The following MAP4K3 variants were observed in gnomAD, a reference collection of about 807,000 sequenced individuals.
The protein encoded by MAP4K3 is mitogen-activated protein kinase kinase kinase kinase 3.
A neutral mutation model predicts 143.5 loss-of-function variants in MAP4K3; 94 were observed. That is an observed-to-expected ratio of 0.65 (90% confidence interval 0.55 to 0.78). MAP4K3 has a LOEUF of 0.78. Among genes scored for constraint, MAP4K3 ranks in the 30% least tolerant of loss-of-function variants. The pLI is 0.00. For synonymous variants in MAP4K3, 416 were observed against 347.2 expected (o/e 1.20, Z -2.20); for missense variants, 1,077 against 1,068.1 (o/e 1.01, Z -0.12).
At chr2:39,266,906 G>T (rs1680788656) in intron 27 of MAP4K3, among the ~76,000 whole-genome samples, 1 of 69,638 alleles carries the variant, frequency 1.4e-5, no homozygotes, top group Non-Finnish European at 4.9e-5. Flanking sequence ...ATAAAATGTG[G>T]TAAAAAAAAA....
At chr2:39,289,482 A>T (rs115494645) in intron 19 of MAP4K3, among the ~76,000 whole-genome samples, 2,813 of 152,092 alleles carry the variant, frequency 0.018, 88 homozygotes, top group African/African-American at 0.063. Context: ...TTTTACCTTT[A>T]AAAAAAACAA....
intron 1 of MAP4K3, among the ~76,000 whole-genome samples, chr2:39,415,461 G>A (rs1007619587): frequency 6.6e-6 from 1 of 152,006 alleles, no homozygotes; most frequent in Non-Finnish European, 1.5e-5. Context: ...ATTTGAGTGG[G>A]AAAAAGGAGA....
intron 18 of MAP4K3, among the ~76,000 whole-genome samples, chr2:39,290,852 C>A (rs111455783): frequency 0.021 from 3,141 of 152,132 alleles, 98 homozygotes; most frequent in African/African-American, 0.073. Flanking sequence ...GGGCAGATCA[C>A]GAGGTCAGGA....
At chr2:39,404,029 A>C (rs1339038799) in intron 1 of MAP4K3, among the ~76,000 whole-genome samples, 2 of 152,000 alleles carry the variant, frequency 1.3e-5, no homozygotes, top group African/African-American at 4.8e-5. Context: ...GGCAGGATCC[A>C]GTATCTGCTG....
At chr2:39,276,582 G>A (rs1208919523) in intron 24 of MAP4K3, among the ~76,000 whole-genome samples, 1 of 152,152 alleles carries the variant, frequency 6.6e-6, no homozygotes, top group Non-Finnish European at 1.5e-5. Flanking sequence ...AATCCTTTCG[G>A]TGCTTTAGTT....
At chr2:39,346,345 T>G (rs1245942233) in intron 3 of MAP4K3, among the ~76,000 whole-genome samples, 2 of 152,226 alleles carry the variant, frequency 1.3e-5, no homozygotes, top group Non-Finnish European at 2.9e-5. Context: ...ACCAGTTCTC[T>G]CTCCAGCTTC....
chr2:39,370,474 C>T (rs1012076416), intron 2 of MAP4K3, among the ~76,000 whole-genome samples: 6 of 152,146 alleles, frequency 3.9e-5, no homozygotes, highest in Non-Finnish European at 7.4e-5. Context: ...AGGCAGAAAG[C>T]ACCTCTACTA....
Position 39,326,260 on chromosome 2 carries a change from G to T in MAP4K3, c.548C>A (p.Ala183Glu), listed in dbSNP as rs1683487311. The T allele has an allele frequency of 6.2e-7, 1 of 1,613,692 alleles. No individual in the cohort carries two copies. Among genetic ancestry groups the T allele is most frequent in the Non-Finnish European group, 8.5e-7 (1 of 1,179,846 alleles). ...GTPYWMAPEVAAVERKGGYNQ... is the reference protein window; with the variant it reads ...GTPYWMAPEVEAVERKGGYNQ... Reference sequence around the variant, plus strand: ...GTAACCCCCCTTCCTCTCAACAGCTGCAACTTCTGGAGCCATCCTGAAATA... The same window carrying T: ...GTAACCCCCCTTCCTCTCAACAGCTTCAACTTCTGGAGCCATCCTGAAATA... Residue 183 changes from alanine (A) to glutamate (E), a missense_variant, in exon 9 of 34, where the codon GCA becomes GAA. Physicochemically the swap from Ala to Glu is moderately radical, Grantham distance 107. This residue lies in a region of MAP4K3 where 213 missense variants were observed against 266.8 expected (regional missense o/e 0.80). Coordinates refer to ENST00000263881, the MANE Select transcript of MAP4K3 (RefSeq NM_003618.4).
rs1453010753 is a variant in MAP4K3, at chr2:39,325,637, A to T, written c.808-9T>A. 3 of 1,598,622 alleles carry T rather than the reference A, an allele frequency of 1.9e-6. No individual in the cohort carries two copies. The highest frequency in any genetic ancestry group is 2.6e-6 in the Non-Finnish European group (3 of 1,166,664). ...TGTGTTACAAAAGGATGCTATAAAA[A>T]TTAAATACAATGCAGAACACTTACT... On this transcript the variant is annotated splice_polypyrimidine_tract_variant and intron_variant, in intron 11 of 33. Coordinates refer to ENST00000263881, the MANE Select transcript of MAP4K3 (RefSeq NM_003618.4).
chr2:39,415,751 A>G (rs1440290410), intron 1 of MAP4K3, among the ~76,000 whole-genome samples: 1 of 151,194 alleles, frequency 6.6e-6, no homozygotes, highest in African/African-American at 2.4e-5. Context: ...CAGGAGTTCG[A>G]GACCAGCCTG....
Position 39,437,088 on chromosome 2 carries a change from C to T in MAP4K3, c.-101G>A. On this transcript the variant is annotated 5_prime_UTR_variant, in exon 1 of 34. Transcript: ENST00000263881. ...GCGCCGCGGCCGGCTCCCGGCTCCC[C>T]CGGCGGTCACAATCACCCGGCTCCA... is the stretch of plus-strand genomic sequence containing the variant. The T allele has an allele frequency of 2.4e-6, 2 of 833,204 alleles. No homozygotes were observed. Among genetic ancestry groups the T allele is most frequent in the Non-Finnish European group, 3.5e-6 (2 of 565,756 alleles). The allele number at this position is 833,204 out of a possible 1,614,324, so 51.6% of individuals were successfully genotyped here.
intron 8 of MAP4K3, among the ~76,000 whole-genome samples, chr2:39,326,704 T>C (rs1040418866): frequency 6.6e-6 from 1 of 152,172 alleles, no homozygotes; most frequent in Non-Finnish European, 1.5e-5. Flanking sequence ...CATCTCGAAC[T>C]GTAATCCCCA....
At position 39,286,982 on chromosome 2, in the gene MAP4K3, C is replaced by A; in HGVS notation, c.1475-18G>T. The A allele has an allele frequency of 6.8e-7, 1 of 1,469,396 alleles. No individual in the cohort carries two copies. The highest frequency in any genetic ancestry group is 1.2e-5 in the South Asian group (1 of 80,560). 91.0% of individuals were successfully genotyped at this position (1,469,396 alleles called of 1,614,324 possible). A position where few individuals can be genotyped will look rare whatever the true frequency, so the allele number is the denominator to read the frequency against. ...TCCATTTCCTTCAATAAGATATATT[C>A]ATTGAAAATGATTAATCTTCATGAA... On this transcript the variant is annotated intron_variant, in intron 20 of 33. Coordinates refer to ENST00000263881, the MANE Select transcript of MAP4K3 (RefSeq NM_003618.4).
chr2:39,427,165 A>G (rs1445199948), intron 1 of MAP4K3, among the ~76,000 whole-genome samples: 2 of 152,062 alleles, frequency 1.3e-5, no homozygotes, highest in Non-Finnish European at 2.9e-5. Flanking sequence ...AAGACAACAA[A>G]AGATCTTCAA....
intron 2 of MAP4K3, among the ~76,000 whole-genome samples, chr2:39,375,250 G>A (rs1666186670): frequency 6.6e-6 from 1 of 152,002 alleles, no homozygotes; most frequent in African/African-American, 2.4e-5. Context: ...CAGTGACACT[G>A]TCTCTTAAAC....
intron 1 of MAP4K3, among the ~76,000 whole-genome samples, chr2:39,414,026 A>G (rs1346810384): frequency 1.3e-5 from 2 of 152,194 alleles, no homozygotes; most frequent in Admixed American, 6.5e-5. Flanking sequence ...AGTTCAAGGA[A>G]TATCTGCTAG....
At chr2:39,424,940 C>T (rs907661313) in intron 1 of MAP4K3, among the ~76,000 whole-genome samples, 3 of 151,286 alleles carry the variant, frequency 2.0e-5, no homozygotes, top group Non-Finnish European at 2.9e-5. Context: ...ATCCAAGAGT[C>T]ATTGCTCTTT....
chr2:39,289,855 C>G (rs768623039), intron 19 of MAP4K3, among the ~76,000 whole-genome samples: 11 of 152,140 alleles, frequency 7.2e-5, no homozygotes, highest in Non-Finnish European at 1.5e-4. Flanking sequence ...GAGGCCAAGG[C>G]AGGCAGATCA....
intron 1 of MAP4K3, among the ~76,000 whole-genome samples, chr2:39,420,914 A>G (rs761915047): frequency 6.6e-5 from 10 of 151,966 alleles, no homozygotes; most frequent in Non-Finnish European, 1.3e-4. Context: ...ACCTCAATCA[A>G]TCTGTCCAAA....
Sources: gnomAD v4.1 joint callset for allele counts (sites outside exome capture counted in the v4.1 genomes callset) on GRCh38, gnomAD v4.1.1 for gene constraint, gnomAD v4.1.1 regional missense constraint, MANE v1.5 for transcripts, NCBI Gene and HGNC (gene_info 2026-07-23, HGNC 2026-07-21) for gene names.